PTPRD: variants seen among roughly 807,000 people sequenced by gnomAD.
PTPRD encodes receptor-type tyrosine-protein phosphatase delta.
In PTPRD, 34 loss-of-function variants were observed where a neutral mutation model predicts 214.5. The ratio of observed to expected loss-of-function variants is 0.16; its 90% CI spans 0.12 to 0.21. The LOEUF is 0.21. Ranked by LOEUF, PTPRD falls within the 10% of genes least tolerant of loss-of-function variation. PTPRD has a pLI of 1.00. For synonymous variants in PTPRD, 1,128 were observed against 845.7 expected (o/e 1.33, Z -5.79); for missense variants, 2,545 against 2,398.7 (o/e 1.06, Z -1.27).
chr9:10,377,802 T>C (rs527923859), intron 2 of PTPRD, among the ~76,000 whole-genome samples: 2 of 152,164 alleles, frequency 1.3e-5, no homozygotes, highest in Admixed American at 1.3e-4. Flanking sequence ...TCTTTATCCA[T>C]TCATCTACTG....
At chr9:9,089,695 T>C (rs2099772744) in intron 10 of PTPRD, among the ~76,000 whole-genome samples, 1 of 152,170 alleles carries the variant, frequency 6.6e-6, no homozygotes, top group South Asian at 2.1e-4. Flanking sequence ...GATTTTGAGA[T>C]TTTATAATGC....
At chr9:10,544,373 G>C (rs1185015601) in intron 2 of PTPRD, among the ~76,000 whole-genome samples, 2 of 152,068 alleles carry the variant, frequency 1.3e-5, no homozygotes, top group African/African-American at 4.8e-5. Context: ...TGATACAACA[G>C]CTTATCGGCA....
intron 15 of PTPRD, chr9:8,528,114 A>G (rs1195262292): frequency 7.7e-6 from 2 of 259,544 alleles, no homozygotes; most frequent in Non-Finnish European, 1.4e-5. Context: ...CAAATGTAGA[A>G]AAGATAGCAG....
At chr9:8,657,458 C>T (rs576283384) in intron 12 of PTPRD, among the ~76,000 whole-genome samples, 43 of 152,148 alleles carry the variant, frequency 2.8e-4, no homozygotes, top group Admixed American at 2.2e-3. Flanking sequence ...CGTGAGCCAC[C>T]GTGCCCGGCC....
intron 12 of PTPRD, among the ~76,000 whole-genome samples, chr9:8,675,450 TC>T: frequency 7.2e-6 from 1 of 139,726 alleles, no homozygotes. Context: ...CCCTCCTAAA[TC>T]TATGTAATCC....
intron 3 of PTPRD, among the ~76,000 whole-genome samples, chr9:10,227,943 C>A (rs190084499): frequency 6.6e-6 from 1 of 151,932 alleles, no homozygotes. Flanking sequence ...ACTCAAAACT[C>A]TTTCCAGTCA....
intron 11 of PTPRD, among the ~76,000 whole-genome samples, chr9:8,980,435 G>C (rs1251123631): frequency 6.6e-6 from 1 of 152,024 alleles, no homozygotes; most frequent in Non-Finnish European, 1.5e-5. Context: ...ATGTTAATCT[G>C]CTTCACTATA....
At chr9:8,731,486 T>G (rs909642987) in intron 12 of PTPRD, among the ~76,000 whole-genome samples, 4 of 152,218 alleles carry the variant, frequency 2.6e-5, no homozygotes, top group African/African-American at 9.6e-5. Context: ...TGAAAAATAT[T>G]ATCTTTATAT....
At chr9:10,282,535 C>G (rs1028604111) in intron 3 of PTPRD, among the ~76,000 whole-genome samples, 1 of 151,952 alleles carries the variant, frequency 6.6e-6, no homozygotes, top group African/African-American at 2.4e-5. Context: ...AAGAAATTTC[C>G]AATTTAAATG....
intron 11 of PTPRD, among the ~76,000 whole-genome samples, chr9:8,983,523 G>A (rs1312402833): frequency 2.0e-5 from 3 of 150,966 alleles, no homozygotes; most frequent in South Asian, 2.1e-4. Flanking sequence ...CCCTCCCCCC[G>A]CTTTTGTTTT....
intron 12 of PTPRD, among the ~76,000 whole-genome samples, chr9:8,733,260 C>A (rs1374569785): frequency 6.6e-6 from 1 of 152,062 alleles, no homozygotes; most frequent in Non-Finnish European, 1.5e-5. Context: ...GTTGTCAGTT[C>A]TGCTTGATTT....
At chr9:8,376,771 T>G in intron 37 of PTPRD, 45 bp from the exon 38 acceptor site, 2 of 1,608,038 alleles carry the variant, frequency 1.2e-6, no homozygotes, top group Non-Finnish European at 1.7e-6. Flanking sequence ...CTCATCAATT[T>G]CTCTATTAAC....
intron 4 of PTPRD, among the ~76,000 whole-genome samples, chr9:9,959,670 C>A (rs1401929598): frequency 6.6e-6 from 1 of 152,060 alleles, no homozygotes; most frequent in African/African-American, 2.4e-5. Context: ...AAAGGAGGTG[C>A]ACAAAAACAG....
chr9:8,831,910 C>CTT (rs34325005), intron 11 of PTPRD, among the ~76,000 whole-genome samples: 1 of 151,814 alleles, frequency 6.6e-6, no homozygotes, highest in African/African-American at 2.4e-5. Flanking sequence ...TCCTTTAGTG[C>CTT]TTTTTTTGAC....
At chr9:8,453,474 A>G (rs967176122) in intron 33 of PTPRD, among the ~76,000 whole-genome samples, 1 of 152,212 alleles carries the variant, frequency 6.6e-6, no homozygotes, top group Admixed American at 6.5e-5. Context: ...GATGAAAGGT[A>G]GTATTTTAAG....
chr9:8,744,463 A>G (rs2092547482), intron 11 of PTPRD, among the ~76,000 whole-genome samples: 1 of 152,270 alleles, frequency 6.6e-6, no homozygotes, highest in Non-Finnish European at 1.5e-5. Flanking sequence ...AATATGACTA[A>G]GCCATAAAAA....
intron 5 of PTPRD, among the ~76,000 whole-genome samples, chr9:9,829,241 T>C (rs1193195214): frequency 6.6e-6 from 1 of 151,874 alleles, no homozygotes; most frequent in Non-Finnish European, 1.5e-5. Flanking sequence ...TAAGAATACC[T>C]ACAGTGATGT....
intron 12 of PTPRD, among the ~76,000 whole-genome samples, chr9:8,655,430 T>C (rs898680127): frequency 3.9e-5 from 6 of 152,234 alleles, no homozygotes; most frequent in Non-Finnish European, 7.3e-5. Context: ...AATTTGTTTT[T>C]AAATTCACAG....
intron 5 of PTPRD, among the ~76,000 whole-genome samples, chr9:9,910,707 T>C (rs896264406): frequency 2.0e-5 from 3 of 152,046 alleles, no homozygotes; most frequent in African/African-American, 7.2e-5. Flanking sequence ...TCTTATTAAT[T>C]ACCATGAGAT....
Sources: gnomAD v4.1 joint callset for allele counts (sites outside exome capture counted in the v4.1 genomes callset) on GRCh38, gnomAD v4.1.1 for gene constraint, MANE v1.5 for transcripts, NCBI Gene and HGNC (gene_info 2026-07-23, HGNC 2026-07-21) for gene names.